Variants in CHD8 observed in about 807,000 individuals in gnomAD.
CHD8 encodes the protein ATP-dependent chromatin remodeler CHD8.
In CHD8, 31 loss-of-function variants were observed where a neutral mutation model predicts 279.2. The observed-to-expected ratio is 0.11, with a 90% CI of 0.08 to 0.15. The LOEUF is 0.15. Among genes scored for constraint, CHD8 ranks in the 10% least tolerant of loss-of-function variants. CHD8 has a pLI of 1.00. For missense variants in CHD8, 2,146 were observed against 3,230.5 expected (o/e 0.66, Z 8.14); for synonymous variants, 1,081 against 1,139.6 (o/e 0.95, Z 1.04).
intron 1 of CHD8, among the ~76,000 whole-genome samples, chr14:21,440,299 C>T (rs113946439): frequency 0.1 from 15,522 of 151,998 alleles, 992 homozygotes; most frequent in Non-Finnish European, 0.14. Context: ...CTCTGCCTCC[C>T]GGGTTCAAGT....
At chr14:21,445,633 G>A (rs1246713633) in intron 1 of CHD8, among the ~76,000 whole-genome samples, 2 of 143,430 alleles carry the variant, frequency 1.4e-5, no homozygotes, top group African/African-American at 5.3e-5. Flanking sequence ...AGGCTGCAGT[G>A]AGGCAAAATC....
intron 1 of CHD8, among the ~76,000 whole-genome samples, chr14:21,441,732 C>CA (rs369507735): frequency 3.3e-5 from 5 of 151,598 alleles, no homozygotes; most frequent in South Asian, 2.1e-4. Context: ...ACTAAAAATA[C>CA]AAAAAAATTA....
At chr14:21,455,608 A>G (rs535986821) in intron 1 of CHD8, among the ~76,000 whole-genome samples, 2 of 152,326 alleles carry the variant, frequency 1.3e-5, no homozygotes, top group African/African-American at 2.4e-5. Context: ...TACAGAAGAA[A>G]AAAAAATAAA....
Position 21,408,258 on chromosome 14 carries a change from GGTACCTT to G in CHD8, c.2730+47_2730+53del. The G allele has an allele frequency of 6.3e-7, 1 of 1,583,212 alleles. No individual in the cohort carries two copies. On this transcript the variant is annotated intron_variant, in intron 13 of 37. Transcript: ENST00000646647. This position sits in a 1 kb window ranked among gnomAD's most constrained non-coding sequence, Gnocchi z 4.3. Reference sequence around the variant, plus strand: ...TTCATATATAGCCCTTAAAATACCAGGTACCTTGGCCGACTTTCTCTAACTCATAGTA... The same window carrying G: ...TTCATATATAGCCCTTAAAATACCAGGGCCGACTTTCTCTAACTCATAGTA...
chr14:21,441,423 T>C (rs1393053841), intron 1 of CHD8, among the ~76,000 whole-genome samples: 1 of 152,212 alleles, frequency 6.6e-6, no homozygotes, highest in Non-Finnish European at 1.5e-5. Context: ...GCCTAAATTA[T>C]AGCAATATGG....
intron 1 of CHD8, chr14:21,437,061 C>T: frequency 8.5e-6 from 1 of 117,560 alleles, no homozygotes. Context: ...CGGGAAGATG[C>T]GGGGGGTGGG....
At chr14:21,420,607 G>C (rs1281441152) in intron 5 of CHD8, among the ~76,000 whole-genome samples, 1 of 152,126 alleles carries the variant, frequency 6.6e-6, no homozygotes, top group Admixed American at 6.5e-5. Flanking sequence ...CCTCCAAGAC[G>C]TATCATTAGG....
intron 1 of CHD8, among the ~76,000 whole-genome samples, chr14:21,443,924 CT>C (rs1184322037): frequency 1.3e-5 from 2 of 150,020 alleles, no homozygotes; most frequent in Non-Finnish European, 3.0e-5. Flanking sequence ...GAAAGCCTTT[CT>C]GATACCTACT....
At chr14:21,423,142 C>T (rs1046670304) in intron 5 of CHD8, among the ~76,000 whole-genome samples, 5 of 151,590 alleles carry the variant, frequency 3.3e-5, no homozygotes, top group South Asian at 2.1e-4. Context: ...TCACTTGAAC[C>T]GAGAGGCAGA....
chr14:21,438,544 A>G (rs979009060), intron 1 of CHD8, among the ~76,000 whole-genome samples: 12 of 150,990 alleles, frequency 7.9e-5, no homozygotes, highest in Non-Finnish European at 1.8e-4. Flanking sequence ...AAGAAAGAAA[A>G]AAGAAAGATG....
At chr14:21,390,801 T>G in intron 37 of CHD8, 146 bp downstream of exon 37, 2 of 542,750 alleles carry the variant, frequency 3.7e-6, no homozygotes, top group Non-Finnish European at 6.5e-6. Flanking sequence ...AAAACTCCGG[T>G]TTCCTTATTG....
Position 21,415,669 on chromosome 14 carries a change from C to G in CHD8, c.1900-27G>C, listed in dbSNP as rs545201645. On this transcript the variant is annotated intron_variant, in intron 6 of 37. Transcript: ENST00000646647. ...TGCAGCAAAAGATGCAGTCAGTCAA[C>G]AGATGATTGTGACCAGCAAGGCAAT... The G allele has an allele frequency of 1.7e-5, 28 of 1,612,662 alleles. No homozygotes were observed. In the Admixed American group the frequency reaches 2.7e-4, roughly 15 times the overall value.
intron 1 of CHD8, among the ~76,000 whole-genome samples, chr14:21,435,203 G>T (rs770519909): frequency 6.6e-6 from 1 of 152,202 alleles, no homozygotes; most frequent in Non-Finnish European, 1.5e-5. Context: ...AAATCTTGGA[G>T]GGCATGTAGG....
At chr14:21,424,416 T>TA (rs1726473218) in intron 5 of CHD8, among the ~76,000 whole-genome samples, 1 of 152,338 alleles carries the variant, frequency 6.6e-6, no homozygotes, top group Admixed American at 6.5e-5. Flanking sequence ...TAATATATTC[T>TA]AAAATTTTTT....
At position 21,402,300 on chromosome 14, in the gene CHD8, C is replaced by A; in HGVS notation, c.3882+36G>T. On this transcript the variant is annotated intron_variant, in intron 19 of 37. Transcript: ENST00000646647. This position sits in a 1 kb window ranked among gnomAD's most constrained non-coding sequence, Gnocchi z 4.5. Reference sequence around the variant, plus strand: ...TTTTGTTTCCCTCTATCACAATGATCTACTACAAACTTATCTATAAACTAA... The same window carrying A: ...TTTTGTTTCCCTCTATCACAATGATATACTACAAACTTATCTATAAACTAA... 6.2e-7 allele frequency: 1 copy of A among 1,608,512 alleles called. No individual in the cohort carries two copies. Among genetic ancestry groups the A allele is most frequent in the Non-Finnish European group, 8.5e-7 (1 of 1,175,258 alleles).
intron 14 of CHD8, among the ~76,000 whole-genome samples, chr14:21,406,478 C>T (rs1430874439): frequency 6.6e-6 from 1 of 152,220 alleles, no homozygotes; most frequent in Non-Finnish European, 1.5e-5. Flanking sequence ...CCAGCATCAA[C>T]TGCCAGCTGC....
At chr14:21,454,279 CTG>C (rs1566459952) in intron 1 of CHD8, among the ~76,000 whole-genome samples, 2 of 152,096 alleles carry the variant, frequency 1.3e-5, no homozygotes, top group African/African-American at 4.8e-5. Flanking sequence ...AATACAAAAA[CTG>C]TTCAAGTACT....
intron 5 of CHD8, chr14:21,425,387 C>T (rs1889267484): frequency 6.8e-6 from 1 of 147,354 alleles, no homozygotes; most frequent in African/African-American, 2.5e-5. Context: ...TGCAATGGTA[C>T]AATCTCGGCT....
Position 21,393,492 on chromosome 14 carries a change from C to A in CHD8, c.6303G>T (p.Glu2101Asp). The A allele has an allele frequency of 6.4e-7, 1 of 1,574,306 alleles. No individual in the cohort carries two copies. The highest frequency in any genetic ancestry group is 2.3e-5 in the East Asian group (1 of 42,934). The change falls in exon 32 of 38, where the codon GAG becomes GAT. Residue 2101 changes from glutamate (E) to aspartate (D), a missense_variant. Around this residue, in one of 26 missense-constraint regions of CHD8, gnomAD observed 513 missense variants for 637.6 expected, o/e 0.80. Transcript: ENST00000646647. ...TGCACTCACTTAGCTTCTCTTCCTT[C>A]TCATCCTCACTCTCATCAGTGCTGG... ...SSSSTDESED[E>D]KEEKLTDQSR...
Sources: gnomAD v4.1 joint callset for allele counts (sites outside exome capture counted in the v4.1 genomes callset) on GRCh38, gnomAD v4.1.1 for gene constraint, gnomAD v4.1.1 regional missense constraint, Gnocchi (gnomAD v3.1) non-coding constraint, MANE v1.5 for transcripts, NCBI Gene and HGNC (gene_info 2026-07-23, HGNC 2026-07-21) for gene names.